PDLIM5: variants seen among roughly 807,000 people sequenced by gnomAD.
PDLIM5 encodes PDZ and LIM domain 5, also known as PDZ and LIM domain protein 5.
In PDLIM5, 34 loss-of-function variants were observed where a neutral mutation model predicts 64.2. The observed-to-expected ratio is 0.53, with a 90% CI of 0.40 to 0.71. The LOEUF (loss-of-function observed/expected upper bound fraction) is 0.71, where lower values mean the gene tolerates loss of function less well. Among genes scored for constraint, PDLIM5 ranks in the 30% least tolerant of loss-of-function variants. The pLI, the probability that PDLIM5 is intolerant of heterozygous loss-of-function variation, is 0.00. For synonymous variants in PDLIM5, 253 were observed against 269.1 expected, an observed-to-expected ratio of 0.94 and a Z score of 0.59; for missense variants, 683 against 733.6, an observed-to-expected ratio of 0.93 and a Z score of 0.80.
intron 7 of PDLIM5, among the ~76,000 whole-genome samples, chr4:94,614,981 T>C (rs1340379315): frequency 6.6e-6 from 1 of 152,218 alleles, no homozygotes; most frequent in African/African-American, 2.4e-5. Context: ...TTATTGCTAA[T>C]TTTATTATCA....
At chr4:94,572,813 G>A (rs1734920914) in intron 3 of PDLIM5, among the ~76,000 whole-genome samples, 1 of 152,134 alleles carries the variant, frequency 6.6e-6, no homozygotes, top group Non-Finnish European at 1.5e-5. Flanking sequence ...GTATTAACTT[G>A]CATAGACACT....
intron 9 of PDLIM5, among the ~76,000 whole-genome samples, chr4:94,641,599 ACCT>A (rs1394881196): frequency 6.6e-6 from 1 of 152,228 alleles, no homozygotes; most frequent in Admixed American, 6.5e-5. Flanking sequence ...TCCCAAGGTA[ACCT>A]CTATTATCTG....
intron 9 of PDLIM5, among the ~76,000 whole-genome samples, chr4:94,642,748 C>A (rs751522532): frequency 6.6e-5 from 10 of 152,122 alleles, no homozygotes; most frequent in Non-Finnish European, 1.5e-4. Flanking sequence ...AATTCTAGTT[C>A]TTGGCCTCAG....
intron 2 of PDLIM5, among the ~76,000 whole-genome samples, chr4:94,490,127 G>C (rs909826106): frequency 6.6e-6 from 1 of 151,564 alleles, no homozygotes. Context: ...AATATGAACT[G>C]TGGGGGGTAT....
intron 3 of PDLIM5, among the ~76,000 whole-genome samples, chr4:94,525,642 A>G (rs1730288220): frequency 6.6e-6 from 1 of 152,224 alleles, no homozygotes; most frequent in Non-Finnish European, 1.5e-5. Flanking sequence ...TCAATTTGGT[A>G]TTAAAACTGA....
At chr4:94,653,328 AATGTTGC>A (rs1363641848) in intron 9 of PDLIM5, among the ~76,000 whole-genome samples, 12 of 152,258 alleles carry the variant, frequency 7.9e-5, no homozygotes, top group African/African-American at 2.4e-4. Flanking sequence ...GTCTCACAGG[AATGTTGC>A]ATGGACAAAT....
intron 8 of PDLIM5, among the ~76,000 whole-genome samples, chr4:94,638,912 A>G (rs1740784170): frequency 1.3e-5 from 2 of 152,300 alleles, no homozygotes; most frequent in Admixed American, 6.5e-5. Flanking sequence ...GGAGTATACT[A>G]TCTAGTTAAG....
At chr4:94,547,200 C>T (rs1261565490) in intron 3 of PDLIM5, among the ~76,000 whole-genome samples, 2 of 152,122 alleles carry the variant, frequency 1.3e-5, no homozygotes, top group East Asian at 1.9e-4. Context: ...GGCCAAACTG[C>T]ACCCCCAACC....
intron 2 of PDLIM5, among the ~76,000 whole-genome samples, chr4:94,501,382 C>T (rs1027996911): frequency 1.3e-5 from 2 of 152,160 alleles, no homozygotes; most frequent in Non-Finnish European, 2.9e-5. Context: ...CTGTACCCTG[C>T]CTAATTTTAT....
chr4:94,564,219 C>T lies in PDLIM5; in HGVS notation c.249-9132C>T, dbSNP rs561626580. On this transcript the variant is annotated intron_variant, in intron 3 of 12. Transcript: ENST00000317968. ...CCTTGTGATCCACCCCCCTTGGCCT[C>T]CCAAAGTGCTGGGATTACAAGCATG... 1.6e-4 allele frequency among the ~76,000 whole-genome samples: 24 copies of T among 152,214 alleles called. No homozygotes were observed. In the South Asian group the frequency reaches 5.0e-3, roughly 32 times the overall value.
chr4:94,662,128 C>T (rs1222433616), intron 11 of PDLIM5, among the ~76,000 whole-genome samples: 1 of 152,028 alleles, frequency 6.6e-6, no homozygotes, highest in Admixed American at 6.5e-5. Context: ...CAGAACAGTT[C>T]TTTATATGTA....
chr4:94,619,267 G>A (rs1005645133), intron 8 of PDLIM5, among the ~76,000 whole-genome samples: 1 of 151,934 alleles, frequency 6.6e-6, no homozygotes, highest in African/African-American at 2.4e-5. Context: ...CATTACAAAT[G>A]ACTTCTAATT....
rs547710392 is a variant in PDLIM5 at position 94,620,646 on chromosome 4, TCA to T, written c.1108+2458_1108+2459del. ...GAATCCATCTTTGTTTTTGTATTTT[TCA>T]CAGTGTTTAAATATATTAGATACTA... On this transcript the variant is annotated intron_variant, in intron 8 of 12. Transcript: ENST00000317968. 1.7e-4 allele frequency among the ~76,000 whole-genome samples: 26 copies of T among 152,276 alleles called. No homozygotes were observed. The South Asian group carries it at 4.1e-3, about 24-fold the overall frequency.
At chr4:94,527,501 G>A (rs964083731) in intron 3 of PDLIM5, among the ~76,000 whole-genome samples, 1 of 152,178 alleles carries the variant, frequency 6.6e-6, no homozygotes, top group Admixed American at 6.5e-5. Context: ...TTTTCTGCAT[G>A]AATATATACT....
chr4:94,532,816 T>G (rs571791600), intron 3 of PDLIM5, among the ~76,000 whole-genome samples: 19 of 152,250 alleles, frequency 1.2e-4, no homozygotes, highest in African/African-American at 4.3e-4. Flanking sequence ...CTGACCAACA[T>G]GGTGAAACCC....
intron 8 of PDLIM5, among the ~76,000 whole-genome samples, chr4:94,625,642 A>G (rs992991770): frequency 2.0e-5 from 3 of 151,854 alleles, no homozygotes; most frequent in Admixed American, 1.3e-4. Flanking sequence ...TTTAGTAGAG[A>G]CGGGGTTTCA....
chr4:94,653,406 A>T (rs1741987408), intron 9 of PDLIM5, among the ~76,000 whole-genome samples: 1 of 152,142 alleles, frequency 6.6e-6, no homozygotes, highest in Non-Finnish European at 1.5e-5. Flanking sequence ...TTAGTGTGAT[A>T]TAGCTACTGA....
At chr4:94,660,404 C>T (rs1742598220) in intron 11 of PDLIM5, among the ~76,000 whole-genome samples, 1 of 152,172 alleles carries the variant, frequency 6.6e-6, no homozygotes, top group African/African-American at 2.4e-5. Context: ...ATTCACGTTT[C>T]ATTGCAACTA....
At chr4:94,461,181 G>A (rs1443522865) in intron 2 of PDLIM5, among the ~76,000 whole-genome samples, 3 of 152,160 alleles carry the variant, frequency 2.0e-5, no homozygotes, top group East Asian at 3.8e-4. Flanking sequence ...ATTTAGCATC[G>A]TATGAGAGAG....
Sources: allele counts gnomAD v4.1 joint callset (sites outside exome capture counted in the v4.1 genomes callset), GRCh38; gene constraint gnomAD v4.1.1; transcripts MANE v1.5; gene names NCBI Gene and HGNC (gene_info 2026-07-23, HGNC 2026-07-21).